UNC5D: variants seen among roughly 807,000 people sequenced by gnomAD.
UNC5D encodes netrin receptor UNC5D.
Under a neutral mutation model 105.4 loss-of-function variants are expected in UNC5D, and 39 were observed. The ratio of observed to expected loss-of-function variants is 0.37; its 90% CI spans 0.29 to 0.48. The LOEUF (loss-of-function observed/expected upper bound fraction) is 0.48, where lower values mean the gene tolerates loss of function less well. Among genes scored for constraint, UNC5D ranks in the 20% least tolerant of loss-of-function variants. UNC5D has a pLI of 0.98. For synonymous variants in UNC5D, 452 were observed against 450.4 expected (o/e 1.00, Z -0.04); for missense variants, 991 against 1,202.4 (o/e 0.82, Z 2.60).
intron 1 of UNC5D, among the ~76,000 whole-genome samples, chr8:35,533,499 T>G (rs935337459): frequency 3.3e-5 from 5 of 152,214 alleles, no homozygotes; most frequent in African/African-American, 1.2e-4. Flanking sequence ...GCTGTCTTTT[T>G]GTTTGTCTGT....
At chr8:35,271,530 T>C (rs1805334793) in intron 1 of UNC5D, among the ~76,000 whole-genome samples, 1 of 144,894 alleles carries the variant, frequency 6.9e-6, no homozygotes, top group African/African-American at 2.5e-5. Context: ...TGTATACAGG[T>C]ATATATTTTA....
intron 14 of UNC5D, among the ~76,000 whole-genome samples, chr8:35,764,663 A>G (rs1267564821): frequency 6.6e-6 from 1 of 152,208 alleles, no homozygotes; most frequent in Non-Finnish European, 1.5e-5. Context: ...CATAAGTAAA[A>G]TATTTTTGTA....
chr8:35,786,751 C>G (rs948772172), intron 16 of UNC5D, among the ~76,000 whole-genome samples: 1 of 152,028 alleles, frequency 6.6e-6, no homozygotes, highest in Non-Finnish European at 1.5e-5. Context: ...GCAGGAAGTT[C>G]AGCCTGATCT....
rs1412734941 is a variant in UNC5D at position 35,318,303 on chromosome 8, G to GT, written c.103+82418dup. 1.1e-4 allele frequency among the ~76,000 whole-genome samples: 17 copies of GT among 152,080 alleles called. No individual in the cohort carries two copies. In the East Asian group the frequency reaches 3.1e-3, roughly 28 times the overall value. On this transcript the variant is annotated intron_variant, in intron 1 of 16. Coordinates refer to ENST00000404895, the MANE Select transcript of UNC5D (RefSeq NM_080872.4). ...TGCTCTGTTAAACTCCACAATACTA[G>GT]TTCTCATTCACCCACCATTAATAAT...
intron 3 of UNC5D, among the ~76,000 whole-genome samples, chr8:35,590,264 A>T (rs1819080197): frequency 6.6e-6 from 1 of 152,146 alleles, no homozygotes; most frequent in African/African-American, 2.4e-5. Context: ...TTTAATTTTG[A>T]CAAAACACTA....
intron 3 of UNC5D, among the ~76,000 whole-genome samples, chr8:35,582,180 C>T (rs1378666656): frequency 6.6e-6 from 1 of 152,110 alleles, no homozygotes; most frequent in African/African-American, 2.4e-5. Context: ...TCTTCCCTTC[C>T]CTGACTATAC....
Position 35,387,218 on chromosome 8 carries a change from C to A in UNC5D, c.103+151331C>A, listed in dbSNP as rs529482433. ...TACTAAAAAATACAACAAAAATTAG[C>A]TGGGCGTGGTGCTGTGTGCCTGTAG... On this transcript the variant is annotated intron_variant, in intron 1 of 16. Transcript: ENST00000404895. Among the ~76,000 whole-genome samples, 34 of 152,032 alleles carry A rather than the reference C, an allele frequency of 2.2e-4. No individual in the cohort carries two copies. In the South Asian group the frequency reaches 6.4e-3, roughly 29 times the overall value.
chr8:35,574,353 GA>G (rs1817951922), intron 3 of UNC5D, among the ~76,000 whole-genome samples: 1 of 152,138 alleles, frequency 6.6e-6, no homozygotes, highest in African/African-American at 2.4e-5. Context: ...AAACACAGCA[GA>G]AAACCACTAT....
chr8:35,788,442 C>G (rs370956197), intron 16 of UNC5D, among the ~76,000 whole-genome samples: 3 of 152,212 alleles, frequency 2.0e-5, no homozygotes, highest in Admixed American at 6.5e-5. Context: ...CTATGAAGAA[C>G]AGTGACCTGT....
intron 8 of UNC5D, among the ~76,000 whole-genome samples, chr8:35,714,787 C>A (rs12675805): frequency 0.19 from 29,436 of 152,158 alleles, 7,022 homozygotes; most frequent in African/African-American, 0.56. Context: ...GAAACAATCA[C>A]ATGATGTAGC....
At chr8:35,442,340 A>G (rs577653082) in intron 1 of UNC5D, among the ~76,000 whole-genome samples, 1 of 152,042 alleles carries the variant, frequency 6.6e-6, no homozygotes, top group Admixed American at 6.6e-5. Flanking sequence ...CACTAGGTAA[A>G]CAGTGACATC....
intron 1 of UNC5D, among the ~76,000 whole-genome samples, chr8:35,310,701 GT>G (rs1253144146): frequency 5.3e-5 from 8 of 152,098 alleles, no homozygotes; most frequent in African/African-American, 1.9e-4. Context: ...ATTCTAGATA[GT>G]TTTTCTGTCT....
chr8:35,752,628 T>C (rs1236733021), intron 13 of UNC5D, among the ~76,000 whole-genome samples: 1 of 152,166 alleles, frequency 6.6e-6, no homozygotes. Flanking sequence ...TGTCATTTAA[T>C]ACTCTTCCTC....
chr8:35,268,415 C>T (rs1330678525), intron 1 of UNC5D, among the ~76,000 whole-genome samples: 3 of 152,124 alleles, frequency 2.0e-5, no homozygotes, highest in Non-Finnish European at 4.4e-5. Flanking sequence ...AAAGCCATTA[C>T]AACCTAGTAC....
At chr8:35,443,006 G>A (rs929902371) in intron 1 of UNC5D, among the ~76,000 whole-genome samples, 41 of 151,728 alleles carry the variant, frequency 2.7e-4, no homozygotes, top group African/African-American at 8.0e-4. Flanking sequence ...TAATATAGGT[G>A]AGGACCATTA....
chr8:35,668,407 C>A (rs1824569788), intron 4 of UNC5D, among the ~76,000 whole-genome samples: 1 of 152,084 alleles, frequency 6.6e-6, no homozygotes, highest in Non-Finnish European at 1.5e-5. Context: ...TGTCATGCTG[C>A]AAACATTTTT....
intron 1 of UNC5D, among the ~76,000 whole-genome samples, chr8:35,280,271 CAGG>C (rs1373196392): frequency 9.2e-5 from 14 of 152,278 alleles, no homozygotes; most frequent in African/African-American, 2.9e-4. Context: ...GCTGGGATTA[CAGG>C]CATGTGCTAC....
intron 11 of UNC5D, among the ~76,000 whole-genome samples, chr8:35,732,671 A>C (rs1829256535): frequency 6.6e-6 from 1 of 152,164 alleles, no homozygotes. Context: ...TATGAGGTAT[A>C]ATCCAGTCCA....
At chr8:35,400,020 G>A (rs1325134848) in intron 1 of UNC5D, among the ~76,000 whole-genome samples, 1 of 152,078 alleles carries the variant, frequency 6.6e-6, no homozygotes, top group African/African-American at 2.4e-5. Flanking sequence ...AGAGTATTAA[G>A]GATATGATGC....
Sources: allele counts gnomAD v4.1 joint callset (sites outside exome capture counted in the v4.1 genomes callset), GRCh38; gene constraint gnomAD v4.1.1; transcripts MANE v1.5; gene names NCBI Gene and HGNC (gene_info 2026-07-23, HGNC 2026-07-21).